The following ARSG variants were observed in gnomAD, a reference collection of about 807,000 sequenced individuals.
ARSG encodes ASG.
A neutral mutation model predicts 50.5 loss-of-function variants in ARSG; 37 were observed. That is an observed-to-expected ratio of 0.73 (90% CI 0.56 to 0.96). The LOEUF (loss-of-function observed/expected upper bound fraction) is 0.96. ARSG is among the 50% of genes least tolerant of loss of function. The probability of loss-of-function intolerance (pLI) is 0.00; values close to 1 mark genes in which losing one functional copy is unlikely to be tolerated. For missense variants in ARSG, 629 were observed against 675.3 expected (o/e 0.93, Z 0.76); for synonymous variants, 225 against 254.6 (o/e 0.88, Z 1.11).
chr17:68,370,581 G>T (rs2079788152), intron 8 of ARSG, 57 bp downstream of exon 8: 1 of 1,547,954 alleles, frequency 6.5e-7, no homozygotes, highest in Non-Finnish European at 8.9e-7. Context: ...CCAGGCTGGG[G>T]TGTGGGATTC....
At chr17:68,385,699 T>C (rs1236358280) in intron 9 of ARSG, among the ~76,000 whole-genome samples, 1 of 152,042 alleles carries the variant, frequency 6.6e-6, no homozygotes, top group Non-Finnish European at 1.5e-5. Flanking sequence ...CTGTGTCTGC[T>C]GGAGAGAGTG....
intron 8 of ARSG, among the ~76,000 whole-genome samples, chr17:68,373,939 T>C (rs1257967553): frequency 1.3e-5 from 2 of 151,378 alleles, no homozygotes; most frequent in African/African-American, 2.4e-5. Flanking sequence ...GGGCGGATCA[T>C]GAGGTCAGGA....
chr17:68,431,161 T>C, the ARSG span, among the ~76,000 whole-genome samples: 1 of 152,062 alleles, frequency 6.6e-6, no homozygotes. Flanking sequence ...AGCACGGGTG[T>C]ATACAAAGAA....
In ARSG at chr17:68,271,582, A is replaced by G. The variant is rs782214885; in HGVS notation, c.-552+12156A>G. 1 of 1,614,188 alleles carries G rather than the reference A, an allele frequency of 6.2e-7. No individual in the cohort carries two copies. The highest frequency in any genetic ancestry group is 8.5e-7 in the Non-Finnish European group (1 of 1,180,032). On this transcript the variant is annotated intron_variant, in intron 1 of 11. Transcript: ENST00000448504. The surrounding 1 kb of genome is among the most constrained non-coding windows in gnomAD (Gnocchi z 5.3). The stretch of plus-strand genomic sequence containing the variant: ...TCTGAGCAGTGCTCCGAAGATGACA[A>G]TGTTTAACTGTAGTAGGCCCACGAA...
intron 2 of ARSG, among the ~76,000 whole-genome samples, chr17:68,313,545 C>T (rs2076946620): frequency 6.6e-6 from 1 of 152,166 alleles, no homozygotes; most frequent in Admixed American, 6.5e-5. Flanking sequence ...TCCAGTATGA[C>T]CTCATCTTAA....
intron 1 of ARSG, among the ~76,000 whole-genome samples, chr17:68,306,209 T>C (rs1555763964): frequency 6.6e-6 from 1 of 151,696 alleles, no homozygotes; most frequent in Admixed American, 6.6e-5. Context: ...TCCATGTTGG[T>C]CAGGCTGGTC....
At chr17:68,290,950 C>G (rs2075964774), upstream of ARSG, 1 of 152,168 alleles carries the variant, frequency 6.6e-6, no homozygotes, top group Non-Finnish European at 1.5e-5. Context: ...TGGGAATAAC[C>G]TCTCCAAAAT....
At chr17:68,373,886 G>A (rs112096910) in intron 8 of ARSG, among the ~76,000 whole-genome samples, 41,574 of 151,864 alleles carry the variant, frequency 0.27, 6,189 homozygotes, top group Middle Eastern at 0.35. Flanking sequence ...AGCCAGGCGC[G>A]GTGGCTCACA....
chr17:68,331,215 T>TTCTC (rs2077738218), intron 2 of ARSG, among the ~76,000 whole-genome samples: 1 of 34,502 alleles, frequency 2.9e-5, no homozygotes, highest in Non-Finnish European at 5.4e-5. Flanking sequence ...CTTTCTTTCT[T>TTCTC]TCTTTCTTTC....
At position 68,271,207 on chromosome 17, in the gene ARSG, A is replaced by G. The variant is rs527896376; in HGVS notation, c.-552+11781A>G. On this transcript the variant is annotated intron_variant, in intron 1 of 11. Coordinates refer to the ARSG transcript ENST00000448504. This position sits in a 1 kb window ranked among gnomAD's most constrained non-coding sequence, Gnocchi z 5.3. ...CTGGTCAATGCCCAGACTAATGCCC[A>G]GAGGAATGATGTACAAGGAAGGTGC... 3 of 1,614,114 alleles carry G rather than the reference A, an allele frequency of 1.9e-6. No individual in the cohort carries two copies. The highest frequency in any genetic ancestry group is 2.5e-6 in the Non-Finnish European group (3 of 1,180,040).
At chr17:68,316,981 A>G (rs782279143) in intron 2 of ARSG, among the ~76,000 whole-genome samples, 4 of 152,104 alleles carry the variant, frequency 2.6e-5, no homozygotes, top group Non-Finnish European at 5.9e-5. Context: ...CCCCAAGTCA[A>G]CACCTAAAGG....
the ARSG span, chr17:68,428,151 G>C: frequency 6.6e-6 from 1 of 152,064 alleles, no homozygotes; most frequent in Non-Finnish European, 1.5e-5. Context: ...GCCCTCCTTG[G>C]CCTCCCAAAG....
At chr17:68,450,867 C>T in the ARSG span, 16 of 1,613,676 alleles carry the variant, frequency 9.9e-6, no homozygotes, top group Non-Finnish European at 1.1e-5. Context: ...GGAGAAGAGG[C>T]GCTCCACGAT....
At chr17:68,414,212 GT>G (rs2082226106) in intron 11 of ARSG, 1 of 152,194 alleles carries the variant, frequency 6.6e-6, no homozygotes, top group East Asian at 1.9e-4. Context: ...ATTTTGCTGA[GT>G]TTTAATCATA....
At position 68,291,573 on chromosome 17, in the gene ARSG, C is replaced by T. The variant is rs2075991838; in HGVS notation, c.-552+5C>T. The T allele has an allele frequency of 6.6e-6, 1 of 150,932 alleles. No homozygotes were observed. The highest frequency in any genetic ancestry group is 1.5e-5 in the Non-Finnish European group (1 of 67,620). 9.3% of individuals were successfully genotyped at this position (150,932 alleles called of 1,614,324 possible). ...CTGGGCTGGGGGTCACGAAAGGTAA[C>T]CGCGTCGCGGTCCGGGGCCGGGCCG... On this transcript the variant is annotated splice_donor_5th_base_variant and intron_variant, in intron 1 of 11. Coordinates refer to ENST00000621439, the MANE Select transcript of ARSG (RefSeq NM_001267727.2).
chr17:68,449,815 T>A, the ARSG span, among the ~76,000 whole-genome samples: 1 of 152,174 alleles, frequency 6.6e-6, no homozygotes, highest in East Asian at 1.9e-4. Flanking sequence ...TAGAGTAATG[T>A]GAGAATAGAC....
intron 6 of ARSG, among the ~76,000 whole-genome samples, chr17:68,360,553 A>C (rs1323449708): frequency 6.6e-6 from 1 of 152,238 alleles, no homozygotes; most frequent in African/African-American, 2.4e-5. Flanking sequence ...ACTGCTGGTC[A>C]TTCAGTTTAC....
intron 11 of ARSG, among the ~76,000 whole-genome samples, chr17:68,416,559 G>A (rs1159752980): frequency 1.3e-5 from 2 of 152,096 alleles, no homozygotes; most frequent in Non-Finnish European, 2.9e-5. Flanking sequence ...CCCCAAATAT[G>A]TTTTCCAAAC....
chr17:68,349,649 C>T (rs748654547), intron 4 of ARSG, among the ~76,000 whole-genome samples: 9 of 151,774 alleles, frequency 5.9e-5, no homozygotes, highest in Non-Finnish European at 1.3e-4. Context: ...TTTGGGAGGC[C>T]GAGGCAGGTG....
Sources: allele counts gnomAD v4.1 joint callset (sites outside exome capture counted in the v4.1 genomes callset), GRCh38; gene constraint gnomAD v4.1.1; non-coding constraint Gnocchi (gnomAD v3.1); transcripts MANE v1.5; gene names NCBI Gene and HGNC (gene_info 2026-07-23, HGNC 2026-07-21).